CPE: variants seen among roughly 807,000 people sequenced by gnomAD.
The protein encoded by CPE is carboxypeptidase E, also known as carbocypeptidase E.
A neutral mutation model predicts 53.5 loss-of-function variants in CPE; 17 were observed. The ratio of observed to expected loss-of-function variants is 0.32; its 90% CI spans 0.22 to 0.48. The LOEUF (loss-of-function observed/expected upper bound fraction) is 0.48. Ranked by LOEUF, CPE falls within the 20% of genes least tolerant of loss-of-function variation. The pLI is 0.99. For synonymous variants in CPE, 226 were observed against 228.8 expected, an observed-to-expected ratio of 0.99 and a Z score of 0.11; for missense variants, 524 against 614.7, an observed-to-expected ratio of 0.85 and a Z score of 1.56.
At chr4:165,432,051 C>G (rs1307222291) in intron 1 of CPE, among the ~76,000 whole-genome samples, 3 of 151,730 alleles carry the variant, frequency 2.0e-5, no homozygotes, top group Non-Finnish European at 4.4e-5. Flanking sequence ...AATATTAAGA[C>G]TATCAGTATG....
At position 165,383,325 on chromosome 4, in the gene CPE, A is replaced by T. The variant is rs577726483; in HGVS notation, c.307+3797A>T. Among the ~76,000 whole-genome samples the T allele has an allele frequency of 5.3e-5, 8 of 152,292 alleles. No individual in the cohort carries two copies. The South Asian group carries it at 6.2e-4, about 12-fold the overall frequency. On this transcript the variant is annotated intron_variant, in intron 1 of 8. Transcript: ENST00000402744. Reference sequence around the variant, plus strand: ...TATTTCCATGCTTAAGGACTCACGTATTCAAACCCAAACATATGCCTTCCT... The same window carrying T: ...TATTTCCATGCTTAAGGACTCACGTTTTCAAACCCAAACATATGCCTTCCT...
At chr4:165,401,585 A>G (rs1209005181) in intron 1 of CPE, among the ~76,000 whole-genome samples, 1 of 152,256 alleles carries the variant, frequency 6.6e-6, no homozygotes, top group African/African-American at 2.4e-5. Context: ...AGCACAGTTA[A>G]TGGCACACAA....
chr4:165,442,941 G>A lies in CPE; in HGVS notation c.308-21449G>A, dbSNP rs189519927. 3.4e-3 allele frequency among the ~76,000 whole-genome samples: 514 copies of A among 152,250 alleles called. 2 individuals carry two copies. The highest frequency in any genetic ancestry group is 6.8e-3 in the Middle Eastern group (2 of 294). ...CCCAGAATTCAGAACCCATGATCTA[G>A]GAGACTTTAGATTTCATGAAAGTAA... On this transcript the variant is annotated intron_variant, in intron 1 of 8. Coordinates refer to ENST00000402744, the MANE Select transcript of CPE (RefSeq NM_001873.4).
intron 1 of CPE, among the ~76,000 whole-genome samples, chr4:165,402,261 AT>A (rs1560870840): frequency 6.6e-6 from 1 of 152,178 alleles, no homozygotes. Context: ...ACCTCTTCAG[AT>A]CTTTGAAAGA....
chr4:165,443,297 C>T (rs1424533241), intron 1 of CPE, among the ~76,000 whole-genome samples: 1 of 152,170 alleles, frequency 6.6e-6, no homozygotes, highest in African/African-American at 2.4e-5. Context: ...TTCCAACATC[C>T]TATCAAATTG....
At chr4:165,422,133 G>A (rs1731234086) in intron 1 of CPE, among the ~76,000 whole-genome samples, 1 of 152,032 alleles carries the variant, frequency 6.6e-6, no homozygotes, top group Non-Finnish European at 1.5e-5. Flanking sequence ...GAACTTATTT[G>A]TGTAGAGGAA....
chr4:165,490,534 G>C (rs1402839779), intron 6 of CPE, among the ~76,000 whole-genome samples: 2 of 150,528 alleles, frequency 1.3e-5, no homozygotes, highest in Non-Finnish European at 2.9e-5. Context: ...TCCGGAGGCT[G>C]AGGCAGGAGA....
At chr4:165,487,651 G>T in intron 6 of CPE, 74 bp downstream of exon 6, 1 of 1,505,072 alleles carries the variant, frequency 6.6e-7, no homozygotes, top group East Asian at 2.3e-5. Flanking sequence ...TCTTGTAAGA[G>T]GAGTCCAGGA....
At chr4:165,380,567 G>A (rs1237906294) in intron 1 of CPE, among the ~76,000 whole-genome samples, 2 of 152,128 alleles carry the variant, frequency 1.3e-5, no homozygotes, top group African/African-American at 4.8e-5. Flanking sequence ...AGCATGGGAT[G>A]GATGCTTAAT....
At chr4:165,458,013 T>G (rs1302589535) in intron 1 of CPE, among the ~76,000 whole-genome samples, 1 of 152,194 alleles carries the variant, frequency 6.6e-6, no homozygotes, top group Non-Finnish European at 1.5e-5. Context: ...TCTAGGAAAC[T>G]TGTAGGGTTC....
chr4:165,395,320 A>G (rs1730745242), intron 1 of CPE, among the ~76,000 whole-genome samples: 1 of 152,180 alleles, frequency 6.6e-6, no homozygotes, highest in African/African-American at 2.4e-5. Context: ...AATTGCTTTA[A>G]TTCTCCATTT....
chr4:165,443,660 G>A (rs552131206), intron 1 of CPE, among the ~76,000 whole-genome samples: 26 of 152,280 alleles, frequency 1.7e-4, no homozygotes, highest in East Asian at 1.9e-4. Flanking sequence ...GTTGGATTAG[G>A]TGCATCCCAA....
Position 165,498,235 on chromosome 4 carries a change from A to C in CPE, c.*625A>C, listed in dbSNP as rs899165587. The C allele has an allele frequency of 2.0e-5, 3 of 152,172 alleles. No homozygotes were observed. The highest frequency in any genetic ancestry group is 2.9e-5 in the Non-Finnish European group (2 of 68,030). The allele number at this position is 152,172 out of a possible 1,614,324, so 9.4% of individuals were successfully genotyped here. On this transcript the variant is annotated 3_prime_UTR_variant, in exon 9 of 9. Transcript: ENST00000402744. ...CTATTATATTATGTAGTCCGTTAACACTACTTAAAAGTTTAGGGTTTTCTC... is the reference window on the plus strand; with the variant it reads ...CTATTATATTATGTAGTCCGTTAACCCTACTTAAAAGTTTAGGGTTTTCTC...
intron 3 of CPE, among the ~76,000 whole-genome samples, chr4:165,481,094 C>A (rs932602009): frequency 6.8e-6 from 1 of 147,624 alleles, no homozygotes; most frequent in Non-Finnish European, 1.5e-5. Context: ...TACTCTAAAT[C>A]ACACTTTTCC....
At chr4:165,484,714 T>G in intron 5 of CPE, 110 bp downstream of exon 5, 1 of 1,018,394 alleles carries the variant, frequency 9.8e-7, no homozygotes, top group South Asian at 1.9e-5. Flanking sequence ...CCTCCATCAT[T>G]AAAAAGTAGA....
chr4:165,424,552 G>T (rs200820103), intron 1 of CPE, among the ~76,000 whole-genome samples: 1 of 117,880 alleles, frequency 8.5e-6, no homozygotes, highest in Admixed American at 8.0e-5. Flanking sequence ...TTATTTTTTT[G>T]AGATGGAGTC....
At chr4:165,436,829 C>A (rs1731510186) in intron 1 of CPE, among the ~76,000 whole-genome samples, 1 of 152,166 alleles carries the variant, frequency 6.6e-6, no homozygotes, top group East Asian at 1.9e-4. Flanking sequence ...TAAAATAAAT[C>A]TTTTCTTTAA....
intron 1 of CPE, among the ~76,000 whole-genome samples, chr4:165,437,889 G>A (rs901229410): frequency 1.3e-5 from 2 of 152,126 alleles, no homozygotes; most frequent in African/African-American, 4.8e-5. Context: ...AGAGGAGACA[G>A]AGCATGGTGT....
chr4:165,401,136 C>T (rs1730860629), intron 1 of CPE, among the ~76,000 whole-genome samples: 1 of 152,000 alleles, frequency 6.6e-6, no homozygotes. Flanking sequence ...GATAACTCTT[C>T]TGGTTCTCCT....
Sources: allele counts gnomAD v4.1 joint callset (sites outside exome capture counted in the v4.1 genomes callset), GRCh38; gene constraint gnomAD v4.1.1; transcripts MANE v1.5; gene names NCBI Gene and HGNC (gene_info 2026-07-23, HGNC 2026-07-21).